Variants in ITSN2 observed in about 807,000 individuals in gnomAD.
ITSN2 encodes intersectin 2.
ITSN2 carries 156 observed loss-of-function variants against 243.7 expected under a neutral mutation model. That is an observed-to-expected ratio of 0.64 (90% CI 0.56 to 0.73). The LOEUF (loss-of-function observed/expected upper bound fraction) is 0.73. Among genes scored for constraint, ITSN2 ranks in the 30% least tolerant of loss-of-function variants. The pLI is 0.00. For missense variants in ITSN2, 1,801 were observed against 1,996.1 expected (o/e 0.90, Z 1.86); for synonymous variants, 703 against 699.9 (o/e 1.00, Z -0.07).
chr2:24,327,266 A>T (rs1685252887), intron 2 of ITSN2, among the ~76,000 whole-genome samples: 1 of 152,054 alleles, frequency 6.6e-6, no homozygotes, highest in Admixed American at 6.6e-5. Context: ...ACTTTTCATT[A>T]TTCAAATTAC....
Position 24,204,582 on chromosome 2 carries a change from G to A in ITSN2, c.4763-164C>T, listed in dbSNP as rs576673160. 199 of 704,366 alleles carry A rather than the reference G, an allele frequency of 2.8e-4. 3 individuals carry two copies. In the South Asian group the frequency reaches 2.9e-3, roughly 10 times the overall value. 43.6% of individuals were successfully genotyped at this position (704,366 alleles called of 1,614,324 possible). On this transcript the variant is annotated intron_variant, in intron 38 of 39. Transcript: ENST00000355123. The surrounding 1 kb of genome is among the most constrained non-coding windows in gnomAD (Gnocchi z 5.1). ...CCATATCCCTGTGGTCTAGTAACAG[G>A]GTCTCCAAGTTCCCAGTGCTGACAG...
intron 32 of ITSN2, among the ~76,000 whole-genome samples, chr2:24,215,457 A>T (rs935639121): frequency 6.6e-6 from 1 of 152,200 alleles, no homozygotes; most frequent in Non-Finnish European, 1.5e-5. Flanking sequence ...ACCTGAGGTC[A>T]GGAGTTCGAA....
At chr2:24,327,963 G>T in intron 2 of ITSN2, 89 bp downstream of exon 2, 1 of 1,246,300 alleles carries the variant, frequency 8.0e-7, no homozygotes, top group South Asian at 1.3e-5. Flanking sequence ...ATACACTTAA[G>T]GAAAATTATC....
intron 25 of ITSN2, among the ~76,000 whole-genome samples, chr2:24,251,984 G>A (rs78744340): frequency 0.015 from 2,210 of 152,248 alleles, 26 homozygotes; most frequent in Non-Finnish European, 0.024. Flanking sequence ...TCACATTAAT[G>A]TTACAGTCTT....
intron 2 of ITSN2, among the ~76,000 whole-genome samples, chr2:24,324,316 T>C (rs1020449228): frequency 6.6e-6 from 1 of 152,080 alleles, no homozygotes; most frequent in Non-Finnish European, 1.5e-5. Flanking sequence ...CCCCGGGCAG[T>C]GATGGACTCT....
At chr2:24,299,383 G>C (rs960199791) in intron 12 of ITSN2, among the ~76,000 whole-genome samples, 1 of 152,084 alleles carries the variant, frequency 6.6e-6, no homozygotes, top group African/African-American at 2.4e-5. Context: ...TTATTTCAGT[G>C]TGCAATAACT....
At chr2:24,229,841 G>C (rs1370325251) in intron 29 of ITSN2, among the ~76,000 whole-genome samples, 1 of 152,002 alleles carries the variant, frequency 6.6e-6, no homozygotes, top group Non-Finnish European at 1.5e-5. Context: ...TCGTCTTCCA[G>C]GTCACCACCT....
At chr2:24,223,536 T>A (rs1345834355) in intron 29 of ITSN2, among the ~76,000 whole-genome samples, 2 of 150,292 alleles carry the variant, frequency 1.3e-5, no homozygotes, top group African/African-American at 2.4e-5. Flanking sequence ...AAAAAAAAAA[T>A]TAGCCAGGCG....
chr2:24,310,602 T>A lies in ITSN2; in HGVS notation c.443A>T (p.Asn148Ile). The change falls in exon 6 of 40, where the codon AAC becomes ATC. Residue 148 changes from asparagine (N) to isoleucine (I), a missense_variant. Transcript: ENST00000355123. ...TSLSSATSGT[N>I]LPPLMMPTPL... ...AGTGGGCATCATTAAGGGAGGAAGGTTGGTCCCTGAAGTCGCAGAAGACAA... is the reference window on the plus strand; with the variant it reads ...AGTGGGCATCATTAAGGGAGGAAGGATGGTCCCTGAAGTCGCAGAAGACAA... 2 of 1,613,914 alleles carry A rather than the reference T, an allele frequency of 1.2e-6. No individual in the cohort carries two copies. Among genetic ancestry groups the A allele is most frequent in the South Asian group, 2.2e-5 (2 of 91,062 alleles).
chr2:24,295,748 T>A lies in ITSN2; in HGVS notation c.1551A>T (p.Gln517His). Residue 517 changes from glutamine (Q) to histidine (H), a missense_variant, in exon 14 of 40, where the codon CAA becomes CAT. Coordinates refer to ENST00000355123, the MANE Select transcript of ITSN2 (RefSeq NM_006277.3). ...GAACTTCCAGCTCAGTCTTTTGAGT[T>A]TGCTTTTTGAGTCGGACATCCTGAA... ...GRLQDVRLKKQTQKTELEVLD... is the reference protein window; with the variant it reads ...GRLQDVRLKKHTQKTELEVLD... The A allele has an allele frequency of 1.3e-6, 2 of 1,566,330 alleles. No individual in the cohort carries two copies. Among genetic ancestry groups the A allele is most frequent in the South Asian group, 2.4e-5 (2 of 81,732 alleles).
chr2:24,300,191 C>A lies in ITSN2; in HGVS notation c.1082-20G>T. On this transcript the variant is annotated intron_variant, in intron 11 of 39. Transcript: ENST00000355123. The stretch of plus-strand genomic sequence containing the variant: ...AAGTAACTGAACAAGGTATGCCTAT[C>A]AGCATCCACACACATTAACAGCCTA... The A allele has an allele frequency of 6.2e-7, 1 of 1,613,178 alleles. No individual in the cohort carries two copies. The highest frequency in any genetic ancestry group is 8.5e-7 in the Non-Finnish European group (1 of 1,179,508).
chr2:24,303,240 T>C (rs1682023177), intron 9 of ITSN2, among the ~76,000 whole-genome samples: 1 of 152,168 alleles, frequency 6.6e-6, no homozygotes, highest in Non-Finnish European at 1.5e-5. Flanking sequence ...GGCATTGTTA[T>C]CATAGGAGAC....
At position 24,299,960 on chromosome 2, in the gene ITSN2, T is replaced by A; in HGVS notation, c.1293A>T (p.Glu431Asp). Residue 431 changes from glutamate (E) to aspartate (D), a missense_variant, in exon 12 of 40, where the codon GAA becomes GAT. This residue lies in a region of ITSN2 where 787 missense variants were observed against 803.9 expected (regional missense o/e 0.98). Transcript: ENST00000355123. ...TTTCTTCCTCTCGTTGTCTCTCCAA[T>A]TCCCGTTGCTTCTCTAAGCGTTTTT... The part of the protein sequence containing the change: ...ELEKRLEKQR[E>D]LERQREEERR... 2 of 1,613,886 alleles carry A rather than the reference T, an allele frequency of 1.2e-6. No individual in the cohort carries two copies. The highest frequency in any genetic ancestry group is 1.7e-6 in the Non-Finnish European group (2 of 1,179,828).
At chr2:24,322,557 T>A (rs1175140347) in intron 2 of ITSN2, among the ~76,000 whole-genome samples, 1 of 152,080 alleles carries the variant, frequency 6.6e-6, no homozygotes, top group Non-Finnish European at 1.5e-5. Context: ...CAAAAGAACC[T>A]CAACCTTCCA....
At position 24,337,331 on chromosome 2, in the gene ITSN2, T is replaced by TATATATATATACAC. The variant is rs1686529025; in HGVS notation, c.-33-9217_-33-9216insGTGTATATATATAT. The stretch of plus-strand genomic sequence containing the variant: ...TATACACAAAATATATATATATATA[T>TATATATATATACAC]ATATATATATATATATATATATGTA... On this transcript the variant is annotated intron_variant, in intron 1 of 39. Coordinates refer to ENST00000355123, the MANE Select transcript of ITSN2 (RefSeq NM_006277.3). 2.9e-3 allele frequency among the ~76,000 whole-genome samples: 9 copies of TATATATATATACAC among 3,064 alleles called. 1 individual carries two copies. The highest frequency in any genetic ancestry group is 8.8e-3 in the African/African-American group (9 of 1,020). The allele number at this position is 3,064 out of a possible 152,430, so 2.0% of individuals were successfully genotyped here.
chr2:24,253,823 AT>A (rs1443952161), intron 24 of ITSN2, among the ~76,000 whole-genome samples: 2 of 152,238 alleles, frequency 1.3e-5, no homozygotes, highest in African/African-American at 4.8e-5. Context: ...TATACATTTC[AT>A]TTATAAATGT....
At chr2:24,222,252 CAAAAA>C (rs549424233) in intron 29 of ITSN2, among the ~76,000 whole-genome samples, 5 of 64,972 alleles carry the variant, frequency 7.7e-5, no homozygotes, top group African/African-American at 1.8e-4. Context: ...ACTTCATCTC[CAAAAA>C]AAAAAAAAAA....
At position 24,310,388 on chromosome 2, in the gene ITSN2, A is replaced by C. The variant is rs769152978; in HGVS notation, c.557-8T>G. On this transcript the variant is annotated splice_region_variant and splice_polypyrimidine_tract_variant and intron_variant, in intron 6 of 39. Transcript: ENST00000355123. Reference sequence around the variant, plus strand: ...ATGACCCATGAGGCAATGCTAAAAAAGAAAAAGAAGGAAAAGTATGAAAGA... The same window carrying C: ...ATGACCCATGAGGCAATGCTAAAAACGAAAAAGAAGGAAAAGTATGAAAGA... 1 of 1,611,986 alleles carries C rather than the reference A, an allele frequency of 6.2e-7. No homozygotes were observed. The highest frequency in any genetic ancestry group is 2.2e-5 in the East Asian group (1 of 44,870).
intron 29 of ITSN2, among the ~76,000 whole-genome samples, chr2:24,224,696 C>T (rs973476529): frequency 6.6e-5 from 10 of 151,758 alleles, no homozygotes; most frequent in Admixed American, 1.3e-4. Flanking sequence ...TGCAGCGGCG[C>T]GATCTCGGCT....
Sources: gnomAD v4.1 joint callset for allele counts (sites outside exome capture counted in the v4.1 genomes callset) on GRCh38, gnomAD v4.1.1 for gene constraint, gnomAD v4.1.1 regional missense constraint, Gnocchi (gnomAD v3.1) non-coding constraint, MANE v1.5 for transcripts, NCBI Gene and HGNC (gene_info 2026-07-23, HGNC 2026-07-21) for gene names.